ZBTB32: variants seen among roughly 807,000 people sequenced by gnomAD.
ZBTB32 encodes zinc finger and BTB domain-containing protein 32.
In ZBTB32, 28 loss-of-function variants were observed where a neutral mutation model predicts 45.3. The ratio of observed to expected loss-of-function variants is 0.62; its 90% CI spans 0.46 to 0.85. The LOEUF (loss-of-function observed/expected upper bound fraction) is 0.85. Among genes scored for constraint, ZBTB32 ranks in the 40% least tolerant of loss-of-function variants. ZBTB32 has a pLI of 0.00. For synonymous variants in ZBTB32, 283 were observed against 255.7 expected (o/e 1.11, Z -1.02); for missense variants, 587 against 624.4 (o/e 0.94, Z 0.64).
chr19:35,715,900 A>C, intron 4 of ZBTB32, 39 bp from the exon 5 acceptor site: 1 of 1,611,066 alleles, frequency 6.2e-7, no homozygotes, highest in Non-Finnish European at 8.5e-7. Flanking sequence ...CGAGGAGTCC[A>C]GCCTGAGCAG....
At chr19:35,712,073 G>A (rs187181671) in intron 1 of ZBTB32, among the ~76,000 whole-genome samples, 6 of 145,888 alleles carry the variant, frequency 4.1e-5, no homozygotes, top group South Asian at 2.2e-4. Flanking sequence ...TGGGGAAGCC[G>A]ACTGTGCCTT....
intron 1 of ZBTB32, among the ~76,000 whole-genome samples, chr19:35,706,735 A>G (rs1339777606): frequency 1.3e-5 from 2 of 152,020 alleles, no homozygotes; most frequent in African/African-American, 2.4e-5. Context: ...ATAAATAAGT[A>G]AATAACATAA....
At chr19:35,706,115 C>G (rs1968533571) in intron 1 of ZBTB32, among the ~76,000 whole-genome samples, 2 of 151,244 alleles carry the variant, frequency 1.3e-5, no homozygotes, top group African/African-American at 2.4e-5. Flanking sequence ...GTAATCCCAG[C>G]TACTAGGGAG....
In ZBTB32 at chr19:35,714,509, C is replaced by T. The variant is rs987723034; in HGVS notation, c.-104-14C>T. On this transcript the variant is annotated splice_polypyrimidine_tract_variant and intron_variant, in intron 2 of 6. Coordinates refer to ENST00000392197, the MANE Select transcript of ZBTB32 (RefSeq NM_014383.3). ...AGGACCAGCAACTCACACCCTCTCC[C>T]CTCACATCCACAGGCTTGAAATGAG... The T allele has an allele frequency of 1.2e-5, 14 of 1,179,292 alleles. No individual in the cohort carries two copies. Among genetic ancestry groups the T allele is most frequent in the Non-Finnish European group, 1.6e-5 (14 of 866,208 alleles). The allele number at this position is 1,179,292 out of a possible 1,614,324, so 73.1% of individuals were successfully genotyped here.
chr19:35,716,214 G>C lies in ZBTB32; in HGVS notation c.1106G>C (p.Arg369Pro). The change falls in exon 6 of 7, where the codon CGG (arginine) becomes CCG (proline). Residue 369 changes from arginine (R) to proline (P), a missense_variant. Coordinates refer to ENST00000392197, the MANE Select transcript of ZBTB32 (RefSeq NM_014383.3). ...CACCCTCCCCCGGCCCCTCCTGCTC[G>C]GTCTCGGCCCTATGCGTGCTCTGTC... ...RPHPPPAPPA[R>P]SRPYACSVCG... 1.9e-6 allele frequency: 3 copies of C among 1,613,828 alleles called. No homozygotes were observed. Among genetic ancestry groups the C allele is most frequent in the Non-Finnish European group, 2.5e-6 (3 of 1,179,924 alleles).
chr19:35,709,386 T>C (rs968248344), intron 1 of ZBTB32, among the ~76,000 whole-genome samples: 1 of 152,304 alleles, frequency 6.6e-6, no homozygotes, highest in East Asian at 1.9e-4. Context: ...GATGGTTTGA[T>C]TTTAATTATA....
In ZBTB32 at chr19:35,714,542, G is replaced by A; in HGVS notation, c.-85G>A. On this transcript the variant is annotated 5_prime_UTR_variant, in exon 3 of 7. It removes an upstream start codon present in the reference 5' UTR. Transcript: ENST00000392197. ...CCACAGGCTTGAAATGAGATGAGAT[G>A]TTCCTCCCTCCCCTTTCAACCATGG... is the stretch of plus-strand genomic sequence containing the variant. 1 of 1,374,866 alleles carries A rather than the reference G, an allele frequency of 7.3e-7. No individual in the cohort carries two copies. The highest frequency in any genetic ancestry group is 9.7e-7 in the Non-Finnish European group (1 of 1,033,380). 85.2% of individuals were successfully genotyped at this position (1,374,866 alleles called of 1,614,324 possible). A position where few individuals can be genotyped will look rare whatever the true frequency, so the allele number is the denominator to read the frequency against.
At chr19:35,708,175 C>A (rs231587) in intron 1 of ZBTB32, among the ~76,000 whole-genome samples, 2 of 152,056 alleles carry the variant, frequency 1.3e-5, no homozygotes, top group African/African-American at 4.8e-5. Context: ...CTAGCCTGCA[C>A]ATCCAAGCTC....
chr19:35,716,046 T>TA, intron 5 of ZBTB32, 39 bp downstream of exon 5: 1 of 1,611,048 alleles, frequency 6.2e-7, no homozygotes, highest in Non-Finnish European at 8.5e-7. Context: ...AGCCCCACTG[T>TA]AGCCCTTGAT....
Position 35,716,843 on chromosome 19 carries a change from GC to G in ZBTB32, c.*93del. On this transcript the variant is annotated 3_prime_UTR_variant, in exon 7 of 7. Coordinates refer to ENST00000392197, the MANE Select transcript of ZBTB32 (RefSeq NM_014383.3). ...CTGACCTGGCACCGCTGCTACGGCG[GC>G]CTAGCAAATTCCGCCCCAGAAGCGC... is the stretch of plus-strand genomic sequence containing the variant. 1 of 1,483,570 alleles carries G rather than the reference GC, an allele frequency of 6.7e-7. No homozygotes were observed. Among genetic ancestry groups the G allele is most frequent in the Non-Finnish European group, 9.1e-7 (1 of 1,104,708 alleles). The allele number at this position is 1,483,570 out of a possible 1,614,324, so 91.9% of individuals were successfully genotyped here. A position where few individuals can be genotyped will look rare whatever the true frequency, so the allele number is the denominator to read the frequency against.
At position 35,715,992 on chromosome 19, in the gene ZBTB32, G is replaced by C. The variant is rs779693066; in HGVS notation, c.1009G>C (p.Asp337His). 1 of 1,612,776 alleles carries C rather than the reference G, an allele frequency of 6.2e-7. No individual in the cohort carries two copies. Among genetic ancestry groups the C allele is most frequent in the Non-Finnish European group, 8.5e-7 (1 of 1,179,958 alleles). ...QLSPGEMEES[D>H]QGHTGALATC... Reference sequence around the variant, plus strand: ...CAGCCCTGGGGAGATGGAAGAGTCTGATCAGGGGCACACAGGTGAGTCGGG... The same window carrying C: ...CAGCCCTGGGGAGATGGAAGAGTCTCATCAGGGGCACACAGGTGAGTCGGG... The change falls in exon 5 of 7, where the codon GAT becomes CAT. Residue 337 changes from aspartate to histidine, a missense_variant. Transcript: ENST00000392197.
chr19:35,715,151 C>A lies in ZBTB32; in HGVS notation c.525C>A (p.Pro175=). The A allele has an allele frequency of 1.2e-6, 2 of 1,613,810 alleles. No homozygotes were observed. Among genetic ancestry groups the A allele is most frequent in the Non-Finnish European group, 1.7e-6 (2 of 1,179,962 alleles). The change falls in exon 3 of 7, where the codon CCC becomes CCA. Residue 175 remains proline, a synonymous_variant. Transcript: ENST00000392197. ...LHKHSPPRGR[P]EMAGATQEAQ... is the part of the protein sequence containing the mutation. ...AGCACTCGCCACCAAGAGGCAGACC[C>A]GAGATGGCAGGAGCAACGCAGGAGG... is the stretch of plus-strand genomic sequence containing the variant.
chr19:35,716,235 C>T lies in ZBTB32; in HGVS notation c.1127C>T (p.Ser376Phe). Residue 376 changes from serine to phenylalanine, a missense_variant, in exon 6 of 7, where the codon TCT becomes TTT. By Grantham distance (155) the Ser-to-Phe change is radical. Transcript: ENST00000392197. ...PPARSRPYAC[S>F]VCGKRFSLKH... ...GCTCGGTCTCGGCCCTATGCGTGCT[C>T]TGTCTGTGGAAAGAGGTTTTCACTC... 6.2e-7 allele frequency: 1 copy of T among 1,613,980 alleles called. No homozygotes were observed.
chr19:35,715,730 C>T (rs1968857369), intron 3 of ZBTB32, 27 bp from the exon 4 acceptor site: 2 of 1,585,480 alleles, frequency 1.3e-6, no homozygotes, highest in Non-Finnish European at 1.7e-6. Context: ...TTAGCCAAGG[C>T]TGTAACTCTT....
chr19:35,716,418 T>TTAAG, intron 6 of ZBTB32, 60 bp from the exon 7 acceptor site: 2 of 1,585,026 alleles, frequency 1.3e-6, no homozygotes, highest in Non-Finnish European at 1.7e-6. Flanking sequence ...CACCCCTAAC[T>TTAAG]TGGCCAGCTT....
chr19:35,714,846 C>A lies in ZBTB32; in HGVS notation c.220C>A (p.Leu74Ile). Residue 74 changes from leucine to isoleucine, a missense_variant, in exon 3 of 7, where the codon CTC (leucine) becomes ATC (isoleucine). Physicochemically the swap from Leu to Ile is conservative, Grantham distance 5. Coordinates refer to ENST00000392197, the MANE Select transcript of ZBTB32 (RefSeq NM_014383.3). Reference protein sequence around the residue: ...EGISPSTFAQLLNFVYGESVE... With the variant: ...EGISPSTFAQILNFVYGESVE... ...CATCAGCCCTTCTACCTTTGCCCAG[C>A]TCCTGAACTTTGTGTATGGGGAGAG... 3.1e-6 allele frequency: 5 copies of A among 1,611,580 alleles called. No individual in the cohort carries two copies. The highest frequency in any genetic ancestry group is 4.2e-6 in the Non-Finnish European group (5 of 1,178,626).
At chr19:35,708,822 CT>C (rs560022559) in intron 1 of ZBTB32, among the ~76,000 whole-genome samples, 184 of 141,948 alleles carry the variant, frequency 1.3e-3, no homozygotes, top group Non-Finnish European at 1.4e-3. Context: ...TTTCTTTTTT[CT>C]TTTTTTTTTT....
At chr19:35,706,092 G>A (rs1359444825) in intron 1 of ZBTB32, among the ~76,000 whole-genome samples, 1 of 151,900 alleles carries the variant, frequency 6.6e-6, no homozygotes. Context: ...GCTGGGCGTG[G>A]TGGCACATGC....
At position 35,704,578 on chromosome 19, in the gene ZBTB32, G is replaced by A. The variant is rs1460067302; in HGVS notation, c.-267G>A. 6.6e-6 allele frequency: 1 copy of A among 152,354 alleles called. No homozygotes were observed. Among genetic ancestry groups the A allele is most frequent in the Non-Finnish European group, 1.5e-5 (1 of 68,126 alleles). 9.4% of individuals were successfully genotyped at this position (152,354 alleles called of 1,614,324 possible). A position where few individuals can be genotyped will look rare whatever the true frequency, so the allele number is the denominator to read the frequency against. On this transcript the variant is annotated 5_prime_UTR_variant, in exon 1 of 7. Transcript: ENST00000392197. ...CGGTCACTCGGCCTTAAGCCGTCCTGGGTGTATGTGAGGCTGAAAGGGAAG... is the reference window on the plus strand; with the variant it reads ...CGGTCACTCGGCCTTAAGCCGTCCTAGGTGTATGTGAGGCTGAAAGGGAAG...
Sources: allele counts gnomAD v4.1 joint callset (sites outside exome capture counted in the v4.1 genomes callset), GRCh38; gene constraint gnomAD v4.1.1; transcripts MANE v1.5; gene names NCBI Gene and HGNC (gene_info 2026-07-23, HGNC 2026-07-21).